The following PTPRC variants were observed in gnomAD, a reference collection of about 807,000 sequenced individuals.
The protein encoded by PTPRC is receptor-type tyrosine-protein phosphatase C.
Under a neutral mutation model 155.9 loss-of-function variants are expected in PTPRC, and 44 were observed. That is an observed-to-expected ratio of 0.28 (90% CI 0.22 to 0.36). The LOEUF (loss-of-function observed/expected upper bound fraction) is 0.36. PTPRC is among the 10% of genes least tolerant of loss of function. PTPRC has a pLI of 1.00. For missense variants in PTPRC, 1,401 were observed against 1,564.6 expected (o/e 0.90, Z 1.76); for synonymous variants, 525 against 533.1 (o/e 0.98, Z 0.21).
At chr1:198,738,054 TG>T (rs1654729450) in intron 23 of PTPRC, among the ~76,000 whole-genome samples, 1 of 151,804 alleles carries the variant, frequency 6.6e-6, no homozygotes, top group South Asian at 2.1e-4. Context: ...AATAGTTTTT[TG>T]GTGGAGTATT....
At chr1:198,649,537 T>C (rs1663125840) in intron 2 of PTPRC, among the ~76,000 whole-genome samples, 1 of 151,868 alleles carries the variant, frequency 6.6e-6, no homozygotes, top group African/African-American at 2.4e-5. Flanking sequence ...AATCGCTACT[T>C]TTAAAGTACT....
chr1:198,708,287 A>AT (rs556118862), intron 10 of PTPRC, 26 bp downstream of exon 10: 379 of 1,572,366 alleles, frequency 2.4e-4, no homozygotes, highest in Middle Eastern at 4.2e-4. Flanking sequence ...TGACCAGAGA[A>AT]TTTTTTTTTG....
chr1:198,731,911 G>A (rs1273606570), intron 18 of PTPRC, among the ~76,000 whole-genome samples, 185 bp downstream of exon 18: 4 of 151,968 alleles, frequency 2.6e-5, no homozygotes, highest in African/African-American at 9.7e-5. Flanking sequence ...CGGGATTATA[G>A]TGTAGAGCTA....
At chr1:198,678,611 G>A (rs1665097604) in intron 2 of PTPRC, among the ~76,000 whole-genome samples, 1 of 152,212 alleles carries the variant, frequency 6.6e-6, no homozygotes, top group Non-Finnish European at 1.5e-5. Flanking sequence ...AGGCATCTGA[G>A]ATGCACCGTG....
Position 198,659,714 on chromosome 1 carries a change from A to G in PTPRC, c.73+20373A>G, listed in dbSNP as rs916784298. Reference sequence around the variant, plus strand: ...CATGCCTTGCTAATTTTGTATTTTTAGTAGAGACAGGGATTTTCTATGTTG... The same window carrying G: ...CATGCCTTGCTAATTTTGTATTTTTGGTAGAGACAGGGATTTTCTATGTTG... On this transcript the variant is annotated intron_variant, in intron 2 of 32. Coordinates refer to ENST00000442510, the MANE Select transcript of PTPRC (RefSeq NM_002838.5). Among the ~76,000 whole-genome samples, 24 of 151,850 alleles carry G rather than the reference A, an allele frequency of 1.6e-4. 1 individual carries two copies. In the South Asian group the frequency reaches 5.0e-3, roughly 31 times the overall value.
intron 2 of PTPRC, among the ~76,000 whole-genome samples, chr1:198,671,870 T>C (rs560605072): frequency 6.6e-6 from 1 of 152,344 alleles, no homozygotes; most frequent in African/African-American, 2.4e-5. Context: ...TCTTAAAATA[T>C]TCACCTCTGC....
At chr1:198,646,006 A>G (rs541474574) in intron 2 of PTPRC, among the ~76,000 whole-genome samples, 2 of 151,944 alleles carry the variant, frequency 1.3e-5, no homozygotes, top group South Asian at 4.1e-4. Context: ...CTATTGGTAG[A>G]AAATATACTG....
At chr1:198,691,165 A>C (rs746263195) in intron 2 of PTPRC, among the ~76,000 whole-genome samples, 3 of 151,774 alleles carry the variant, frequency 2.0e-5, no homozygotes, top group Non-Finnish European at 4.4e-5. Flanking sequence ...GATCTCCTTC[A>C]CCTCTGTAGC....
chr1:198,676,260 A>T (rs1195817004), intron 2 of PTPRC, among the ~76,000 whole-genome samples: 1 of 152,214 alleles, frequency 6.6e-6, no homozygotes, highest in Non-Finnish European at 1.5e-5. Context: ...CATAGATTCA[A>T]CATAAGCATT....
intron 2 of PTPRC, among the ~76,000 whole-genome samples, chr1:198,645,668 G>A (rs988875286): frequency 6.6e-6 from 1 of 151,768 alleles, no homozygotes; most frequent in African/African-American, 2.4e-5. Flanking sequence ...GCATAAACTT[G>A]ATTCCAAATG....
rs12136658 is a variant in PTPRC at position 198,722,466 on chromosome 1, T to A, written c.1710T>A (p.His570Gln). The A allele has an allele frequency of 0.015, 21,999 of 1,463,760 alleles. 243 individuals carry two copies. The highest frequency in any genetic ancestry group is 0.016 in the Non-Finnish European group (17,234 of 1,098,980). 90.7% of individuals were successfully genotyped at this position (1,463,760 alleles called of 1,614,324 possible). ...CTGGAGAACCCTTTATTTTACATCA[T>A]TCAACATCTTGTAAGTTATCACTGG... Reference protein sequence around the residue: ...DYPGEPFILHHSTSYNSKALI... With the variant: ...DYPGEPFILHQSTSYNSKALI... Residue 570 changes from histidine to glutamine, a missense_variant, in exon 15 of 33, where the codon CAT (histidine) becomes CAA (glutamine). By Grantham distance (24) the His-to-Gln change is conservative (BLOSUM62 0). This residue lies in a region of PTPRC where 867 missense variants were observed against 970.4 expected (regional missense o/e 0.89). Coordinates refer to ENST00000442510, the MANE Select transcript of PTPRC (RefSeq NM_002838.5).
chr1:198,716,962 T>C, intron 13 of PTPRC, 122 bp downstream of exon 13: 1 of 878,384 alleles, frequency 1.1e-6, no homozygotes, highest in Non-Finnish European at 1.8e-6. Context: ...TTTGTTAACA[T>C]CTAGGGCTTA....
chr1:198,666,975 A>G (rs1664348303), intron 2 of PTPRC: 1 of 152,330 alleles, frequency 6.6e-6, no homozygotes, highest in East Asian at 1.9e-4. Context: ...GTACAAAGAC[A>G]TAATAATGCC....
At chr1:198,670,841 A>C (rs1017278491) in intron 2 of PTPRC, among the ~76,000 whole-genome samples, 6 of 152,166 alleles carry the variant, frequency 3.9e-5, no homozygotes, top group African/African-American at 9.7e-5. Flanking sequence ...CATGGATTGA[A>C]AATATTAGGA....
At position 198,756,130 on chromosome 1, in the gene PTPRC, A is replaced by G. The variant is rs373880437; in HGVS notation, c.3870A>G (p.Pro1290=). 8.1e-6 allele frequency: 13 copies of G among 1,613,390 alleles called. 1 individual carries two copies. In the Middle Eastern group the frequency reaches 1.7e-3, roughly 205 times the overall value. The part of the protein sequence containing the change: ...GSEPTSGTEG[P]EHSVNGPASP... ...AACCCACGAGTGGCACTGAGGGGCC[A>G]GAACATTCTGTCAATGGTCCTGCAA... The change falls in exon 33 of 33, where the codon CCA becomes CCG. Residue 1290 remains proline (P), a synonymous_variant. Transcript: ENST00000442510.
intron 2 of PTPRC, among the ~76,000 whole-genome samples, chr1:198,663,932 A>G (rs1664130756): frequency 6.6e-6 from 1 of 152,186 alleles, no homozygotes; most frequent in Admixed American, 6.5e-5. Flanking sequence ...TTGAGACAAA[A>G]GCAAAATATT....
rs191388700 is a variant in PTPRC at position 198,655,576 on chromosome 1, A to C, written c.73+16235A>C. Among the ~76,000 whole-genome samples the C allele has an allele frequency of 2.8e-3, 427 of 151,820 alleles. 2 individuals carry two copies. Among genetic ancestry groups the C allele is most frequent in the African/African-American group, 9.8e-3 (407 of 41,404 alleles). On this transcript the variant is annotated intron_variant, in intron 2 of 32. Coordinates refer to ENST00000442510, the MANE Select transcript of PTPRC (RefSeq NM_002838.5). ...TTACTAATTCCTCTTCACTAGACTG[A>C]GATTCTGGTATGTGGTATTCAATAA...
At chr1:198,698,718 A>C (rs1417511934) in intron 4 of PTPRC, among the ~76,000 whole-genome samples, 1 of 151,922 alleles carries the variant, frequency 6.6e-6, no homozygotes, top group African/African-American at 2.4e-5. Flanking sequence ...TATACTGTTA[A>C]GTATATATAA....
At position 198,688,726 on chromosome 1, in the gene PTPRC, T is replaced by C. The variant is rs540909575; in HGVS notation, c.74-3621T>C. On this transcript the variant is annotated intron_variant, in intron 2 of 32. Coordinates refer to ENST00000442510, the MANE Select transcript of PTPRC (RefSeq NM_002838.5). Reference sequence around the variant, plus strand: ...CAGCCAAATTATGATTAAGATGCATTTTTACTTAGCTCATGAGTTTTTAAT... The same window carrying C: ...CAGCCAAATTATGATTAAGATGCATCTTTACTTAGCTCATGAGTTTTTAAT... 4.6e-5 allele frequency among the ~76,000 whole-genome samples: 7 copies of C among 152,300 alleles called. No individual in the cohort carries two copies. The South Asian group carries it at 1.5e-3, about 32-fold the overall frequency.
Sources: gnomAD v4.1 joint callset for allele counts (sites outside exome capture counted in the v4.1 genomes callset) on GRCh38, gnomAD v4.1.1 for gene constraint, gnomAD v4.1.1 regional missense constraint, MANE v1.5 for transcripts, NCBI Gene and HGNC (gene_info 2026-07-23, HGNC 2026-07-21) for gene names.